The following AHI1 variants were observed in gnomAD, a reference collection of about 807,000 sequenced individuals.
The protein encoded by AHI1 is Abelson helper integration site 1.
Under a neutral mutation model 149.3 loss-of-function variants are expected in AHI1, and 123 were observed. The observed-to-expected ratio is 0.82, with a 90% confidence interval of 0.71 to 0.96. The LOEUF (loss-of-function observed/expected upper bound fraction) is 0.96. Among genes scored for constraint, AHI1 ranks in the 40% least tolerant of loss-of-function variants. The probability of loss-of-function intolerance (pLI) is 0.00; values close to 1 mark genes in which losing one functional copy is unlikely to be tolerated. For synonymous variants in AHI1, 475 were observed against 459.8 expected (o/e 1.03, Z -0.42); for missense variants, 1,439 against 1,422.7 (o/e 1.01, Z -0.18).
chr6:135,435,686 A>T (rs1310517816), intron 15 of AHI1, among the ~76,000 whole-genome samples: 1 of 152,354 alleles, frequency 6.6e-6, no homozygotes, highest in East Asian at 1.9e-4. Flanking sequence ...TTAAAAAATT[A>T]AGGCATTATG....
intron 5 of AHI1, among the ~76,000 whole-genome samples, chr6:135,484,678 A>G (rs1794207689): frequency 6.6e-6 from 1 of 152,066 alleles, no homozygotes; most frequent in South Asian, 2.1e-4. Flanking sequence ...AGCAATTATT[A>G]TCACTAGCTA....
intron 23 of AHI1, among the ~76,000 whole-genome samples, chr6:135,390,584 G>A (rs116055463): frequency 0.019 from 2,934 of 152,224 alleles, 91 homozygotes; most frequent in African/African-American, 0.066. Context: ...CCCTAAACAT[G>A]TACCGTCGTC....
chr6:135,394,722 C>T (rs1235685872), intron 23 of AHI1, 54 bp downstream of exon 23: 1 of 1,598,444 alleles, frequency 6.3e-7, no homozygotes, highest in Non-Finnish European at 8.5e-7. Flanking sequence ...TATTCATCAA[C>T]ACAACAAGCA....
intron 23 of AHI1, among the ~76,000 whole-genome samples, chr6:135,380,111 T>C (rs1776520336): frequency 6.6e-6 from 1 of 151,142 alleles, no homozygotes; most frequent in African/African-American, 2.4e-5. Context: ...GAAGCTTTCC[T>C]TGACCACTCC....
intron 27 of AHI1, among the ~76,000 whole-genome samples, chr6:135,291,444 G>C (rs1316339634): frequency 1.3e-5 from 2 of 152,082 alleles, no homozygotes; most frequent in Non-Finnish European, 2.9e-5. Flanking sequence ...AAGATGGAAA[G>C]ATGAAACCAG....
intron 24 of AHI1, among the ~76,000 whole-genome samples, chr6:135,335,082 G>A (rs1185312494): frequency 6.6e-6 from 1 of 152,164 alleles, no homozygotes; most frequent in Non-Finnish European, 1.5e-5. Context: ...AAAATATAAA[G>A]TCGAATCTTA....
chr6:135,395,993 T>C (rs1225780881), intron 22 of AHI1, among the ~76,000 whole-genome samples: 1 of 151,816 alleles, frequency 6.6e-6, no homozygotes, highest in Non-Finnish European at 1.5e-5. Flanking sequence ...ATTATTTACA[T>C]GTTTGTAAAT....
chr6:135,354,889 A>C (rs556059415), intron 24 of AHI1, among the ~76,000 whole-genome samples: 1 of 152,196 alleles, frequency 6.6e-6, no homozygotes, highest in African/African-American at 2.4e-5. Flanking sequence ...CATTAGGTAT[A>C]AAGAAAATAA....
intron 28 of AHI1, 121 bp downstream of exon 28, chr6:135,290,302 A>G: frequency 1.4e-6 from 1 of 697,632 alleles, no homozygotes; most frequent in Non-Finnish European, 2.5e-6. Context: ...CAGATCCCAA[A>G]TGGGACTTGT....
intron 5 of AHI1, among the ~76,000 whole-genome samples, chr6:135,484,757 C>CAA (rs553118640): frequency 7.5e-6 from 1 of 133,634 alleles, no homozygotes; most frequent in Non-Finnish European, 1.6e-5. Flanking sequence ...GGTTTTTGAC[C>CAA]AAAAAAAAAA....
At chr6:135,293,605 T>C (rs537393220) in intron 27 of AHI1, among the ~76,000 whole-genome samples, 1 of 152,288 alleles carries the variant, frequency 6.6e-6, no homozygotes, top group South Asian at 2.1e-4. Flanking sequence ...GTAGTATTTC[T>C]ATAAACTAGC....
At chr6:135,320,800 C>A (rs1194042221) in intron 25 of AHI1, among the ~76,000 whole-genome samples, 1 of 152,144 alleles carries the variant, frequency 6.6e-6, no homozygotes, top group Admixed American at 6.5e-5. Context: ...ATGAGGCATA[C>A]TCCAGAGTGA....
intron 23 of AHI1, among the ~76,000 whole-genome samples, chr6:135,382,913 AAAAAAAAAAAAAAATAT>A (rs1776990248): frequency 9.6e-6 from 1 of 104,426 alleles, no homozygotes; most frequent in Non-Finnish European, 2.0e-5. Context: ...AAAAAAAAAA[AAAAAAAAAAAAAAATAT>A]ATATATATAT....
At chr6:135,453,279 G>T in intron 11 of AHI1, 62 bp downstream of exon 11, 1 of 1,292,712 alleles carries the variant, frequency 7.7e-7, no homozygotes, top group Non-Finnish European at 1.1e-6. Context: ...TGATTTGGGA[G>T]AAAGCAGCCA....
At chr6:135,398,634 T>C (rs111845736) in intron 22 of AHI1, among the ~76,000 whole-genome samples, 2,147 of 152,298 alleles carry the variant, frequency 0.014, 54 homozygotes, top group African/African-American at 0.048. Context: ...AGCAATATTC[T>C]TTAGGGTAAA....
chr6:135,331,712 C>A (rs1002827556), intron 24 of AHI1, among the ~76,000 whole-genome samples: 2 of 152,216 alleles, frequency 1.3e-5, no homozygotes, highest in Admixed American at 6.5e-5. Flanking sequence ...AAGCTAAGCA[C>A]TGAATAAATT....
chr6:135,445,641 T>C (rs912342454), intron 13 of AHI1, among the ~76,000 whole-genome samples: 2 of 152,294 alleles, frequency 1.3e-5, no homozygotes, highest in East Asian at 3.9e-4. Context: ...GGCAGAATCA[T>C]AGCTCACTGC....
At chr6:135,398,239 T>C (rs1307039823) in intron 22 of AHI1, among the ~76,000 whole-genome samples, 1 of 152,158 alleles carries the variant, frequency 6.6e-6, no homozygotes, top group African/African-American at 2.4e-5. Context: ...TTGTGATTTC[T>C]AGCTTAGTAA....
chr6:135,307,371 A>G (rs1203941165), intron 26 of AHI1, among the ~76,000 whole-genome samples: 1 of 152,234 alleles, frequency 6.6e-6, no homozygotes, highest in African/African-American at 2.4e-5. Flanking sequence ...TGAAAAGATT[A>G]GCGTATGTTT....
Sources: allele counts gnomAD v4.1 joint callset (sites outside exome capture counted in the v4.1 genomes callset), GRCh38; gene constraint gnomAD v4.1.1; transcripts MANE v1.5; gene names NCBI Gene and HGNC (gene_info 2026-07-23, HGNC 2026-07-21).